NMNAT1: variants seen among roughly 807,000 people sequenced by gnomAD.
NMNAT1 encodes nicotinamide nucleotide adenylyltransferase 1.
In NMNAT1, 11 loss-of-function variants were observed where a neutral mutation model predicts 16.7. That is an observed-to-expected ratio of 0.66 (90% CI 0.41 to 1.09). The LOEUF is 1.09. Ranked by LOEUF, NMNAT1 falls within the 50% of genes least tolerant of loss-of-function variation. The pLI, the probability that NMNAT1 is intolerant of heterozygous loss-of-function variation, is 0.00. For synonymous variants in NMNAT1, 110 were observed against 119.8 expected (o/e 0.92, Z 0.53); for missense variants, 280 against 332.3 (o/e 0.84, Z 1.22).
At chr1:9,943,968 C>T (rs553459943) in intron 1 of NMNAT1, among the ~76,000 whole-genome samples, 1 of 152,010 alleles carries the variant, frequency 6.6e-6, no homozygotes, top group Non-Finnish European at 1.5e-5. Flanking sequence ...TAAAAAGTTA[C>T]CCTTGGACGG....
chr1:9,961,543 C>T (rs573868573), intron 1 of NMNAT1, among the ~76,000 whole-genome samples: 38 of 152,016 alleles, frequency 2.5e-4, no homozygotes, highest in Non-Finnish European at 4.6e-4. Flanking sequence ...TTATGGGTAT[C>T]GAGGGCCTGG....
downstream of NMNAT1, among the ~76,000 whole-genome samples, chr1:9,986,945 C>G (rs142153896): frequency 0.014 from 2,119 of 152,220 alleles, 33 homozygotes; most frequent in African/African-American, 0.035. Flanking sequence ...ACCTGTAATC[C>G]CAGCACTTTG....
At chr1:9,977,442 T>C (rs1641839926) in intron 3 of NMNAT1, among the ~76,000 whole-genome samples, 1 of 152,134 alleles carries the variant, frequency 6.6e-6, no homozygotes, top group South Asian at 2.1e-4. Context: ...GCCTTTCTGT[T>C]TAGTATCTGT....
intron 2 of NMNAT1, among the ~76,000 whole-genome samples, chr1:9,974,640 G>A (rs190287875): frequency 9.9e-5 from 15 of 151,980 alleles, no homozygotes; most frequent in African/African-American, 2.2e-4. Flanking sequence ...CACCCGCCTC[G>A]AACTCCCAAA....
At chr1:9,963,751 A>G (rs768600058) in intron 1 of NMNAT1, among the ~76,000 whole-genome samples, 3 of 152,088 alleles carry the variant, frequency 2.0e-5, no homozygotes, top group Non-Finnish European at 2.9e-5. Context: ...GAAAAATTAG[A>G]AAAACCTAAA....
At position 9,975,767 on chromosome 1, in the gene NMNAT1, G is replaced by T. The variant is rs1158799125; in HGVS notation, c.291G>T (p.Lys97Asn). The part of the protein sequence containing the change: ...SLQKEWKETL[K>N]VLRHHQEKLE... ...AGAAGGAGTGGAAAGAGACTCTGAA[G>T]GTGCTAAGGTATTTATGGTGTAATC... The change falls in exon 3 of 5, where the codon AAG becomes AAT. Residue 97 changes from lysine (K) to asparagine (N), a missense_variant. Lys to Asn is a moderately conservative substitution (Grantham distance 94, BLOSUM62 0). Transcript: ENST00000377205. 2.5e-6 allele frequency: 4 copies of T among 1,611,338 alleles called. No individual in the cohort carries two copies. The highest frequency in any genetic ancestry group is 3.4e-6 in the Non-Finnish European group (4 of 1,178,770).
intron 3 of NMNAT1, among the ~76,000 whole-genome samples, chr1:9,976,291 A>C (rs964573596): frequency 9.9e-5 from 15 of 151,806 alleles, no homozygotes; most frequent in Admixed American, 9.2e-4. Flanking sequence ...CATCTCAAAA[A>C]AAAAAAAAAA....
At chr1:9,943,327 T>C (rs1163667319), upstream of NMNAT1, 2 of 153,334 alleles carry the variant, frequency 1.3e-5, no homozygotes, top group African/African-American at 4.8e-5. Context: ...TCCCAGAGTT[T>C]AGGGCCAGGG....
intron 1 of NMNAT1, chr1:9,950,434 G>A (rs745830591): frequency 6.6e-6 from 1 of 152,232 alleles, no homozygotes; most frequent in Non-Finnish European, 1.5e-5. Flanking sequence ...CATGCTTCCT[G>A]TTATTGGCCC....
At chr1:9,996,035 G>A in the NMNAT1 span, among the ~76,000 whole-genome samples, 1 of 149,846 alleles carries the variant, frequency 6.7e-6, no homozygotes, top group Non-Finnish European at 1.5e-5. Context: ...CTCTCTGCCG[G>A]GCGCAGTGGC....
intron 1 of NMNAT1, among the ~76,000 whole-genome samples, chr1:9,966,933 A>G (rs1410722645): frequency 6.6e-6 from 1 of 152,084 alleles, no homozygotes; most frequent in Non-Finnish European, 1.5e-5. Flanking sequence ...TAATTTCAAA[A>G]ATTATTTGGG....
intron 1 of NMNAT1, among the ~76,000 whole-genome samples, chr1:9,945,256 AAAG>A (rs1267130447): frequency 3.9e-5 from 6 of 152,138 alleles, no homozygotes; most frequent in Non-Finnish European, 7.4e-5. Context: ...AAACAAAACA[AAAG>A]AAGAAAAAAA....
intron 2 of NMNAT1, chr1:9,972,389 G>C (rs1255976861): frequency 2.5e-6 from 1 of 398,224 alleles, no homozygotes. Flanking sequence ...CTAGCTACTC[G>C]GGAGGCTGAG....
upstream of NMNAT1, chr1:9,942,955 G>A: frequency 2.8e-6 from 1 of 352,520 alleles, no homozygotes. Context: ...GAGGCCGAGA[G>A]GGTCTTTGAG....
chr1:9,956,604 G>T (rs1236535607), intron 1 of NMNAT1, among the ~76,000 whole-genome samples: 1 of 151,278 alleles, frequency 6.6e-6, no homozygotes, highest in East Asian at 1.9e-4. Context: ...TGCATTTTTA[G>T]TAGAGATGGG....
the NMNAT1 span, among the ~76,000 whole-genome samples, chr1:9,991,512 A>G: frequency 6.6e-6 from 1 of 152,136 alleles, no homozygotes; most frequent in African/African-American, 2.4e-5. Flanking sequence ...CAGCTAGCTC[A>G]TTATGGGCAA....
chr1:9,977,906 G>C (rs1337539280), intron 3 of NMNAT1, among the ~76,000 whole-genome samples: 1 of 152,014 alleles, frequency 6.6e-6, no homozygotes, highest in South Asian at 2.1e-4. Context: ...GGAAGTCAGG[G>C]TCACTCCTCC....
chr1:9,975,577 T>C lies in NMNAT1; in HGVS notation c.116-15T>C. ...AATTTGTTATACCTAGTGTGAAACC[T>C]AACTTTTTATCTAGGAAGGTACACA... is the stretch of plus-strand genomic sequence containing the variant. On this transcript the variant is annotated splice_polypyrimidine_tract_variant and intron_variant, in intron 2 of 4. Coordinates refer to ENST00000377205, the MANE Select transcript of NMNAT1 (RefSeq NM_022787.4). The C allele has an allele frequency of 6.3e-7, 1 of 1,586,954 alleles. No homozygotes were observed. Among genetic ancestry groups the C allele is most frequent in the Non-Finnish European group, 8.6e-7 (1 of 1,167,360 alleles).
chr1:9,962,427 A>C (rs1214347657), intron 1 of NMNAT1, among the ~76,000 whole-genome samples: 1 of 148,930 alleles, frequency 6.7e-6, no homozygotes, highest in Non-Finnish European at 1.5e-5. Context: ...GCTTGCAGTG[A>C]GCCGAGATCG....
Sources: allele counts gnomAD v4.1 joint callset (sites outside exome capture counted in the v4.1 genomes callset), GRCh38; gene constraint gnomAD v4.1.1; transcripts MANE v1.5; gene names NCBI Gene and HGNC (gene_info 2026-07-23, HGNC 2026-07-21).